Variants in CTRC observed in about 807,000 individuals in gnomAD.
CTRC encodes chymotrypsin C, also known as chymotrypsin-C.
A neutral mutation model predicts 35.7 loss-of-function variants in CTRC; 32 were observed. That is an observed-to-expected ratio of 0.90 (90% CI 0.68 to 1.20). The LOEUF is 1.20. Ranked by LOEUF, CTRC falls within the 50% of genes most tolerant of loss-of-function variation. The pLI is 0.00. For synonymous variants in CTRC, 119 were observed against 149.5 expected, an observed-to-expected ratio of 0.80 and a Z score of 1.49; for missense variants, 324 against 361.5, an observed-to-expected ratio of 0.90 and a Z score of 0.84.
At chr1:15,445,071 G>A (rs116378370) in intron 6 of CTRC, among the ~76,000 whole-genome samples, 2 of 152,164 alleles carry the variant, frequency 1.3e-5, no homozygotes, top group Admixed American at 6.5e-5. Flanking sequence ...AGGACTAAAT[G>A]AGTTTAAAGG....
chr1:15,439,871 G>A (rs186385194), intron 1 of CTRC, among the ~76,000 whole-genome samples: 7 of 152,194 alleles, frequency 4.6e-5, no homozygotes, highest in Admixed American at 4.6e-4. Context: ...CCTCCTGAGT[G>A]GCTGGGATTA....
chr1:15,446,764 T>C lies in CTRC; in HGVS notation c.*175T>C, dbSNP rs2103294107. ...CCCACTCAGCCAGTTTCCCCCACCCTGCATTAGACAGGTGGGGAAACAGAG... is the reference window on the plus strand; with the variant it reads ...CCCACTCAGCCAGTTTCCCCCACCCCGCATTAGACAGGTGGGGAAACAGAG... On this transcript the variant is annotated 3_prime_UTR_variant, in exon 8 of 8. Coordinates refer to ENST00000375949, the MANE Select transcript of CTRC (RefSeq NM_007272.3). 2 of 754,808 alleles carry C rather than the reference T, an allele frequency of 2.6e-6. No individual in the cohort carries two copies. The highest frequency in any genetic ancestry group is 2.9e-5 in the South Asian group (2 of 68,744). The allele number at this position is 754,808 out of a possible 1,614,324, so 46.8% of individuals were successfully genotyped here.
chr1:15,442,012 G>A (rs1013939369), intron 3 of CTRC, among the ~76,000 whole-genome samples: 12 of 152,182 alleles, frequency 7.9e-5, no homozygotes, highest in Non-Finnish European at 4.4e-5. Flanking sequence ...AACGTGCTGG[G>A]ATTACAGGCA....
chr1:15,440,037 C>T (rs1178176329), intron 1 of CTRC, among the ~76,000 whole-genome samples: 3 of 152,154 alleles, frequency 2.0e-5, no homozygotes, highest in Non-Finnish European at 2.9e-5. Context: ...CCACCGTGCC[C>T]GGCCAAACGC....
rs1355039968 is a variant in CTRC, at chr1:15,444,672, C to G, written c.560C>G (p.Ser187Cys). The change falls in exon 6 of 8, where the codon TCC becomes TGC. Residue 187 changes from serine to cysteine, a missense_variant. Ser to Cys is a moderately radical substitution (Grantham distance 112, BLOSUM62 -1). Coordinates refer to ENST00000375949, the MANE Select transcript of CTRC (RefSeq NM_007272.3). ...CCCGTGGTGGATCACGCCACGTGCT[C>G]CAGGATTGACTGGTGGGGCTTCAGG... Reference protein sequence around the residue: ...LQPVVDHATCSRIDWWGFRVK... With the variant: ...LQPVVDHATCCRIDWWGFRVK... 8 of 1,614,180 alleles carry G rather than the reference C, an allele frequency of 5.0e-6. No homozygotes were observed. The highest frequency in any genetic ancestry group is 5.9e-6 in the Non-Finnish European group (7 of 1,180,026).
At chr1:15,446,267 C>G (rs1389844575) in intron 7 of CTRC, among the ~76,000 whole-genome samples, 1 of 152,262 alleles carries the variant, frequency 6.6e-6, no homozygotes, top group African/African-American at 2.4e-5. Context: ...AACTGACCCC[C>G]TGAGGGTATG....
rs1251858044 is a variant in CTRC, at chr1:15,447,999, T to C, written c.*1410T>C. On this transcript the variant is annotated 3_prime_UTR_variant, in exon 8 of 8. Coordinates refer to ENST00000375949, the MANE Select transcript of CTRC (RefSeq NM_007272.3). The stretch of plus-strand genomic sequence containing the variant: ...AAAACAGAAATACAGACCAGAAGCA[T>C]AGAAACAGGACACCTGAAGCAGTGT... 1.3e-5 allele frequency: 2 copies of C among 152,122 alleles called. No individual in the cohort carries two copies. Among genetic ancestry groups the C allele is most frequent in the African/African-American group, 4.8e-5 (2 of 41,408 alleles). 9.4% of individuals were successfully genotyped at this position (152,122 alleles called of 1,614,324 possible).
intron 6 of CTRC, 74 bp downstream of exon 6, chr1:15,444,825 G>A (rs1294611507): frequency 6.3e-7 from 1 of 1,592,894 alleles, no homozygotes; most frequent in Non-Finnish European, 8.6e-7. Flanking sequence ...GGGTGCGATG[G>A]ACCAAACCCT....
rs1231067362 is a variant in CTRC at position 15,445,592 on chromosome 1, T to C, written c.640-5T>C. ...GGTGGCTTATGCCCTCCCGGTCTGG[T>C]GCAGGGGGACTCCGGTGGCCCACTG... is the stretch of plus-strand genomic sequence containing the variant. On this transcript the variant is annotated splice_polypyrimidine_tract_variant and splice_region_variant and intron_variant, in intron 6 of 7. Transcript: ENST00000375949. 1 of 1,613,954 alleles carries C rather than the reference T, an allele frequency of 6.2e-7. No individual in the cohort carries two copies. The highest frequency in any genetic ancestry group is 2.2e-5 in the East Asian group (1 of 44,900).
At chr1:15,440,128 G>A (rs761848994) in intron 1 of CTRC, among the ~76,000 whole-genome samples, 172 bp from the exon 2 acceptor site, 1 of 152,150 alleles carries the variant, frequency 6.6e-6, no homozygotes, top group Non-Finnish European at 1.5e-5. Context: ...TCACAGAAAG[G>A]GAAAACAAGG....
intron 6 of CTRC, 122 bp downstream of exon 6, chr1:15,444,873 C>A (rs1708193123): frequency 7.8e-7 from 1 of 1,280,104 alleles, no homozygotes; most frequent in African/African-American, 1.5e-5. Flanking sequence ...TGGCTGGGCC[C>A]AGCAGGCTCA....
rs770471626 is a variant in CTRC at position 15,442,540 on chromosome 1, C to T, written c.324C>T (p.His108=). 7.4e-6 allele frequency: 12 copies of T among 1,614,080 alleles called. No individual in the cohort carries two copies. Among genetic ancestry groups the T allele is most frequent in the East Asian group, 6.7e-5 (3 of 44,860 alleles). ...TGTTTGTGGGTGTGGACACCATCCA[C>T]GTCCACAAGAGATGGAATGCCCTCC... is the stretch of plus-strand genomic sequence containing the variant. ...GSLFVGVDTI[H]VHKRWNALLL... Residue 108 remains histidine (H), a synonymous_variant, in exon 4 of 8, where the codon CAC becomes CAT. Coordinates refer to ENST00000375949, the MANE Select transcript of CTRC (RefSeq NM_007272.3).
chr1:15,438,497 G>A lies in CTRC; in HGVS notation c.33G>A (p.Leu11=). 6.2e-7 allele frequency: 1 copy of A among 1,614,072 alleles called. No individual in the cohort carries two copies. The highest frequency in any genetic ancestry group is 8.5e-7 in the Non-Finnish European group (1 of 1,180,026). The part of the protein sequence containing the change: MLGITVLAAL[L]ACASSCGVPS... ...GCATCACTGTCCTCGCTGCGCTCTT[G>A]GCCTGTGGTAAGCGGTGGGGTGGGG... The change falls in exon 1 of 8, where the codon TTG becomes TTA. Residue 11 remains leucine (L), a synonymous_variant. Coordinates refer to ENST00000375949, the MANE Select transcript of CTRC (RefSeq NM_007272.3).
intron 4 of CTRC, 47 bp from the exon 5 acceptor site, chr1:15,443,372 G>A (rs1372124819): frequency 2.5e-6 from 4 of 1,613,488 alleles, no homozygotes. Flanking sequence ...TGAGCTTGTG[G>A]GGCCAGGGCC....
In CTRC at chr1:15,445,703, C is replaced by T. The variant is rs142560329; in HGVS notation, c.746C>T (p.Pro249Leu). 90 of 1,613,954 alleles carry T rather than the reference C, an allele frequency of 5.6e-5. 1 individual carries two copies. The African/African-American group carries it at 8.8e-4, about 16-fold the overall frequency. ...CGGGGCTGCAACACCCGCAAGAAGCCGGTAGTCTACACCCGGGTGTCCGCC... is the reference window on the plus strand; with the variant it reads ...CGGGGCTGCAACACCCGCAAGAAGCTGGTAGTCTACACCCGGGTGTCCGCC... ...SRRGCNTRKK[P>L]VVYTRVSAYI... The change falls in exon 7 of 8, where the codon CCG (proline) becomes CTG (leucine). Residue 249 changes from proline (P) to leucine (L), a missense_variant. Physicochemically the swap from Pro to Leu is moderately conservative, Grantham distance 98. Coordinates refer to ENST00000375949, the MANE Select transcript of CTRC (RefSeq NM_007272.3).
At chr1:15,440,941 A>C (rs1469027119) in intron 3 of CTRC, among the ~76,000 whole-genome samples, 3 of 152,202 alleles carry the variant, frequency 2.0e-5, no homozygotes, top group Non-Finnish European at 4.4e-5. Context: ...GCACTCTGGG[A>C]GGCCGACGCA....
Position 15,442,442 on chromosome 1 carries a change from C to T in CTRC, c.231-5C>T. On this transcript the variant is annotated splice_region_variant and splice_polypyrimidine_tract_variant and intron_variant, in intron 3 of 7. Transcript: ENST00000375949. ...ACCCTGACCTGGACCCCTTCCTCTG[C>T]CCAGCAACACCCGGACCTACCGTGT... is the stretch of plus-strand genomic sequence containing the variant. 6.2e-7 allele frequency: 1 copy of T among 1,609,580 alleles called. No homozygotes were observed. The highest frequency in any genetic ancestry group is 8.5e-7 in the Non-Finnish European group (1 of 1,177,870).
At position 15,448,453 on chromosome 1, in the gene CTRC, C is replaced by G. The variant is rs1312067032; in HGVS notation, c.*1864C>G. ...TCCCAGGTTCACGCCATTCTCCTGCCTCAGCCTCCTGAGTAGCTGGGACTA... is the reference window on the plus strand; with the variant it reads ...TCCCAGGTTCACGCCATTCTCCTGCGTCAGCCTCCTGAGTAGCTGGGACTA... On this transcript the variant is annotated 3_prime_UTR_variant, in exon 8 of 8. Transcript: ENST00000375949. The G allele has an allele frequency of 6.6e-6, 1 of 151,880 alleles. No individual in the cohort carries two copies. The highest frequency in any genetic ancestry group is 1.5e-5 in the Non-Finnish European group (1 of 68,000). The allele number at this position is 151,880 out of a possible 1,614,324, so 9.4% of individuals were successfully genotyped here.
At chr1:15,443,146 G>A (rs1310962823) in intron 4 of CTRC, among the ~76,000 whole-genome samples, 1 of 152,162 alleles carries the variant, frequency 6.6e-6, no homozygotes, top group African/African-American at 2.4e-5. Context: ...CAGTGGTTTC[G>A]GACACTTCCA....
Sources: allele counts gnomAD v4.1 joint callset (sites outside exome capture counted in the v4.1 genomes callset), GRCh38; gene constraint gnomAD v4.1.1; transcripts MANE v1.5; gene names NCBI Gene and HGNC (gene_info 2026-07-23, HGNC 2026-07-21).